CDKN2A: variants seen among roughly 807,000 people sequenced by gnomAD.
CDKN2A encodes the protein cyclin dependent kinase inhibitor 2A.
CDKN2A carries 3 observed loss-of-function variants against 11.1 expected under a neutral mutation model. The ratio of observed to expected loss-of-function variants is 0.27; its 90% confidence interval spans 0.12 to 0.70. The LOEUF (loss-of-function observed/expected upper bound fraction) is 0.70, where lower values mean the gene tolerates loss of function less well. Among genes scored for constraint, CDKN2A ranks in the 30% least tolerant of loss-of-function variants. The pLI is 0.77. For synonymous variants in CDKN2A, 122 were observed against 108.1 expected (o/e 1.13, Z -0.80); for missense variants, 265 against 233.6 (o/e 1.13, Z -0.88).
In CDKN2A at chr9:21,974,588, C is replaced by G. The variant is rs535365274; in HGVS notation, c.150+90G>C. Reference sequence around the variant, plus strand: ...GAAGCCTCCCCTTTTTCCGGAGAATCGAAGCGCTACCTGATTCCAATTCCC... The same window carrying G: ...GAAGCCTCCCCTTTTTCCGGAGAATGGAAGCGCTACCTGATTCCAATTCCC... On this transcript the variant is annotated intron_variant, in intron 1 of 2. Transcript: ENST00000304494. The surrounding 1 kb of genome is among the most constrained non-coding windows in gnomAD (Gnocchi z 5.2). The G allele has an allele frequency of 3.1e-5, 50 of 1,613,896 alleles. No individual in the cohort carries two copies. In the South Asian group the frequency reaches 5.4e-4, roughly 17 times the overall value.
At position 21,974,844 on chromosome 9, in the gene CDKN2A, C is replaced by A. The variant is rs751542011; in HGVS notation, c.-17G>T. On this transcript the variant is annotated 5_prime_UTR_variant, in exon 1 of 3. Transcript: ENST00000304494. This position sits in a 1 kb window ranked among gnomAD's most constrained non-coding sequence, Gnocchi z 5.2. Reference sequence around the variant, plus strand: ...CGGCTCCATGCTGCTCCCCGCCGCCCGCTGCCTGCTCTCCCCCTCTCCGCA... The same window carrying A: ...CGGCTCCATGCTGCTCCCCGCCGCCAGCTGCCTGCTCTCCCCCTCTCCGCA... 10 of 1,561,490 alleles carry A rather than the reference C, an allele frequency of 6.4e-6. No individual in the cohort carries two copies. Among genetic ancestry groups the A allele is most frequent in the South Asian group, 1.2e-5 (1 of 85,726 alleles).
At chr9:21,990,447 A>G (rs1391314259) in intron 2 of CDKN2A, among the ~76,000 whole-genome samples, 1 of 151,994 alleles carries the variant, frequency 6.6e-6, no homozygotes, top group Non-Finnish European at 1.5e-5. Context: ...TAGTTCATCC[A>G]CTGTGTAGGA....
rs550731312 is a variant in CDKN2A, at chr9:21,988,936, G to A, written c.-4+4946C>T. ...GTTCTTTGGTCCACCAAGCCCTATC[G>A]TTCTGCTCTTTGGAAATTCTCCCTC... On this transcript the variant is annotated intron_variant, in intron 2 of 3. Coordinates refer to the CDKN2A transcript ENST00000494262. This position sits in a 1 kb window ranked among gnomAD's most constrained non-coding sequence, Gnocchi z 4.1. Among the ~76,000 whole-genome samples, 4 of 152,242 alleles carry A rather than the reference G, an allele frequency of 2.6e-5. No individual in the cohort carries two copies. The highest frequency in any genetic ancestry group is 7.2e-5 in the African/African-American group (3 of 41,538).
rs1820526529 is a variant in CDKN2A, at chr9:21,994,150, G to C, written c.-175-97C>G. 6.2e-7 allele frequency: 1 copy of C among 1,601,522 alleles called. No individual in the cohort carries two copies. Among genetic ancestry groups the C allele is most frequent in the Non-Finnish European group, 8.5e-7 (1 of 1,179,824 alleles). On this transcript the variant is annotated intron_variant, in intron 1 of 3. Coordinates refer to the CDKN2A transcript ENST00000494262. ...AGGGCCTTTCCTACCTGGTCTTCTA[G>C]GAAGCGGCTGCTGCCCTAGACGCTG...
upstream of CDKN2A, among the ~76,000 whole-genome samples, chr9:21,975,314 C>G (rs976662059): frequency 5.9e-5 from 9 of 152,172 alleles, no homozygotes; most frequent in African/African-American, 1.9e-4. Context: ...CGCGATACAA[C>G]CTTCCTAACT....
At chr9:21,994,404 C>T (rs1820542375) in intron 1 of CDKN2A, 1 of 1,606,866 alleles carries the variant, frequency 6.2e-7, no homozygotes, top group Non-Finnish European at 8.5e-7. Flanking sequence ...AGCAGCGCCA[C>T]TCCTGCCCCC....
chr9:21,988,267 T>TA lies in CDKN2A; in HGVS notation c.-4+5614dup, dbSNP rs2131137366. Among the ~76,000 whole-genome samples, 1 of 152,314 alleles carries TA rather than the reference T, an allele frequency of 6.6e-6. No individual in the cohort carries two copies. The highest frequency in any genetic ancestry group is 2.4e-5 in the African/African-American group (1 of 41,580). On this transcript the variant is annotated intron_variant, in intron 2 of 3. Coordinates refer to the CDKN2A transcript ENST00000494262. The surrounding 1 kb of genome is among the most constrained non-coding windows in gnomAD (Gnocchi z 4.1). ...AGAGAAAACTGAGAAATAGTTGAAT[T>TA]AAAAAATCCTTTGTGATAACATGTT...
At chr9:21,979,506 C>A (rs1820125298), upstream of CDKN2A, among the ~76,000 whole-genome samples, 2 of 152,016 alleles carry the variant, frequency 1.3e-5, no homozygotes, top group African/African-American at 4.8e-5. Context: ...ACTTGAGGTC[C>A]CTCAAAAATA....
At position 21,974,424 on chromosome 9, in the gene CDKN2A, T is replaced by C. The variant is rs898369498; in HGVS notation, c.150+254A>G. 1 of 1,607,148 alleles carries C rather than the reference T, an allele frequency of 6.2e-7. No homozygotes were observed. The highest frequency in any genetic ancestry group is 1.3e-5 in the African/African-American group (1 of 74,930). On this transcript the variant is annotated intron_variant, in intron 1 of 2. Transcript: ENST00000304494. This position sits in a 1 kb window ranked among gnomAD's most constrained non-coding sequence, Gnocchi z 5.2. Reference sequence around the variant, plus strand: ...CATACTTCCATCTAATACAAATATGTTCCCCCCTTCAGATCTTCTCAGCAT... The same window carrying C: ...CATACTTCCATCTAATACAAATATGCTCCCCCCTTCAGATCTTCTCAGCAT...
At chr9:21,977,974 A>G (rs936608947), upstream of CDKN2A, among the ~76,000 whole-genome samples, 3 of 152,134 alleles carry the variant, frequency 2.0e-5, no homozygotes, top group Non-Finnish European at 4.4e-5. Flanking sequence ...ACAGGTGTAA[A>G]AGTTGACTGC....
At chr9:21,994,552 A>C in intron 1 of CDKN2A, 5 of 1,118,052 alleles carry the variant, frequency 4.5e-6, no homozygotes, top group Non-Finnish European at 4.7e-6. Flanking sequence ...CGGACCTCCA[A>C]GATCTCGGAA....
chr9:21,967,934 C>G lies in CDKN2A; in HGVS notation c.*295G>C, dbSNP rs1819489095. ...CAAGAAATGCCCACATGAATGTGCGCTTAGGGCGTGAGTGCTCACTCCAGA... is the reference window on the plus strand; with the variant it reads ...CAAGAAATGCCCACATGAATGTGCGGTTAGGGCGTGAGTGCTCACTCCAGA... On this transcript the variant is annotated 3_prime_UTR_variant, in exon 3 of 3. Coordinates refer to ENST00000304494, the MANE Select transcript of CDKN2A (RefSeq NM_000077.5). 2.3e-6 allele frequency: 1 copy of G among 426,808 alleles called. No individual in the cohort carries two copies. Among genetic ancestry groups the G allele is most frequent in the Non-Finnish European group, 4.2e-6 (1 of 238,876 alleles). 26.4% of individuals were successfully genotyped at this position (426,808 alleles called of 1,614,324 possible). A position where few individuals can be genotyped will look rare whatever the true frequency, so the allele number is the denominator to read the frequency against.
At chr9:21,990,142 A>C (rs1247613815) in intron 2 of CDKN2A, among the ~76,000 whole-genome samples, 1 of 151,342 alleles carries the variant, frequency 6.6e-6, no homozygotes. Context: ...AGGGGACTAG[A>C]GTGTGCTTGT....
chr9:21,982,840 A>G (rs1820224489), intron 2 of CDKN2A, among the ~76,000 whole-genome samples: 1 of 151,870 alleles, frequency 6.6e-6, no homozygotes, highest in Non-Finnish European at 1.5e-5. Context: ...CCCATGGGAT[A>G]GAGAGTATTA....
intron 2 of CDKN2A, chr9:21,970,635 G>C (rs1819661476): frequency 3.3e-6 from 2 of 607,022 alleles, no homozygotes; most frequent in Non-Finnish European, 5.9e-6. Flanking sequence ...AACTAGCAGA[G>C]GGTAGGTGTT....
At chr9:21,971,243 G>A (rs1342746492) in intron 1 of CDKN2A, 35 bp from the exon 2 acceptor site, 2 of 1,585,342 alleles carry the variant, frequency 1.3e-6, no homozygotes, top group East Asian at 2.3e-5. Context: ...GAGCCAGGGT[G>A]GGGGCCGGCA....
intron 2 of CDKN2A, among the ~76,000 whole-genome samples, chr9:21,969,277 A>G (rs1360763245): frequency 6.6e-6 from 1 of 152,080 alleles, no homozygotes; most frequent in Non-Finnish European, 1.5e-5. Flanking sequence ...GGTCCCAGCT[A>G]GTCGGGAGGC....
chr9:21,973,671 T>C (rs866292969), intron 1 of CDKN2A, among the ~76,000 whole-genome samples: 31 of 152,174 alleles, frequency 2.0e-4, no homozygotes, highest in African/African-American at 7.0e-4. Context: ...TGAAAACTCT[T>C]ATCACAAATA....
chr9:21,988,674 G>A lies in CDKN2A; in HGVS notation c.-4+5208C>T, dbSNP rs529207270. 1.3e-5 allele frequency among the ~76,000 whole-genome samples: 2 copies of A among 152,022 alleles called. No individual in the cohort carries two copies. The highest frequency in any genetic ancestry group is 2.4e-5 in the African/African-American group (1 of 41,394). On this transcript the variant is annotated intron_variant, in intron 2 of 3. Transcript: ENST00000494262. The surrounding 1 kb of genome is among the most constrained non-coding windows in gnomAD (Gnocchi z 4.1). ...TACTGTGCTCACTACTTGAGTGACA[G>A]ATTCAGTCGTACTCGAAACCTCAGC...
Sources: allele counts gnomAD v4.1 joint callset (sites outside exome capture counted in the v4.1 genomes callset), GRCh38; gene constraint gnomAD v4.1.1; non-coding constraint Gnocchi (gnomAD v3.1); transcripts MANE v1.5; gene names NCBI Gene and HGNC (gene_info 2026-07-23, HGNC 2026-07-21).